Variants in PHC2 observed in about 807,000 individuals in gnomAD.
The protein encoded by PHC2 is polyhomeotic-like protein 2.
In PHC2, 29 loss-of-function variants were observed where a neutral mutation model predicts 87.4. The observed-to-expected ratio is 0.33, with a 90% CI of 0.25 to 0.45. The LOEUF is 0.45. PHC2 is among the 20% of genes least tolerant of loss of function. The pLI is 1.00. For synonymous variants in PHC2, 438 were observed against 461.7 expected, an observed-to-expected ratio of 0.95 and a Z score of 0.66; for missense variants, 857 against 1,136.7, an observed-to-expected ratio of 0.75 and a Z score of 3.54.
In PHC2 at chr1:33,368,236, A is replaced by G. The variant is rs913012957; in HGVS notation, c.663+300T>C. On this transcript the variant is annotated intron_variant, in intron 6 of 14. Coordinates refer to ENST00000683057, the MANE Select transcript of PHC2 (RefSeq NM_001385109.1). This position sits in a 1 kb window ranked among gnomAD's most constrained non-coding sequence, Gnocchi z 6.6. Reference sequence around the variant, plus strand: ...TGAAGCAGCAGCAGCCAGACCAGCTATGCTGGGGCAGGTGTAAAGTATGGA... The same window carrying G: ...TGAAGCAGCAGCAGCCAGACCAGCTGTGCTGGGGCAGGTGTAAAGTATGGA... Among the ~76,000 whole-genome samples, 30 of 152,206 alleles carry G rather than the reference A, an allele frequency of 2.0e-4. No individual in the cohort carries two copies. The highest frequency in any genetic ancestry group is 6.8e-4 in the African/African-American group (28 of 41,460).
At chr1:33,360,874 A>C (rs1264425917) in intron 7 of PHC2, among the ~76,000 whole-genome samples, 4 of 152,244 alleles carry the variant, frequency 2.6e-5, no homozygotes, top group African/African-American at 9.6e-5. Flanking sequence ...ATATTACAAG[A>C]CGCTGATGGC....
At chr1:33,358,679 T>TAA (rs1647139004) in intron 7 of PHC2, among the ~76,000 whole-genome samples, 1 of 152,212 alleles carries the variant, frequency 6.6e-6, no homozygotes, top group Non-Finnish European at 1.5e-5. Context: ...TACGGTTGTC[T>TAA]AAAGCCCCTG....
chr1:33,326,864 G>A (rs143864531), intron 14 of PHC2, among the ~76,000 whole-genome samples: 54 of 152,290 alleles, frequency 3.5e-4, no homozygotes, highest in African/African-American at 1.3e-3. Context: ...AGGCAGAATT[G>A]CTTGAACCCA....
At chr1:33,385,798 A>ATTT (rs368694960) in intron 1 of PHC2, among the ~76,000 whole-genome samples, 1 of 149,864 alleles carries the variant, frequency 6.7e-6, no homozygotes, top group Non-Finnish European at 1.5e-5. Context: ...ACAGAATAAA[A>ATTT]ATTTTTTTTT....
chr1:33,393,304 A>G (rs1649151119), intron 1 of PHC2, among the ~76,000 whole-genome samples: 2 of 152,164 alleles, frequency 1.3e-5, no homozygotes, highest in Non-Finnish European at 2.9e-5. Context: ...CTGTTTAGAA[A>G]GGAGCTAAGC....
At chr1:33,340,862 C>T (rs12142201) in intron 9 of PHC2, among the ~76,000 whole-genome samples, 60,154 of 147,328 alleles carry the variant, frequency 0.41, 13,639 homozygotes, top group African/African-American at 0.65. Flanking sequence ...TCACACTTTA[C>T]TGTGAATTAC....
intron 9 of PHC2, chr1:33,335,095 C>T (rs1646594723): frequency 3.2e-6 from 2 of 617,584 alleles, no homozygotes. Context: ...TCCTAATTCT[C>T]CTTCCCCATG....
intron 1 of PHC2, among the ~76,000 whole-genome samples, chr1:33,414,177 TCACA>T (rs201845759): frequency 0.015 from 2,135 of 142,780 alleles, 17 homozygotes; most frequent in African/African-American, 0.031. Context: ...TCTCTCTCTG[TCACA>T]CACACACACA....
chr1:33,365,174 T>A (rs185750189), intron 7 of PHC2, among the ~76,000 whole-genome samples: 41 of 152,252 alleles, frequency 2.7e-4, no homozygotes, highest in African/African-American at 9.6e-4. Context: ...GAGCTTCAGT[T>A]TGCTCATCTG....
At chr1:33,366,151 C>A (rs546528895) in intron 7 of PHC2, among the ~76,000 whole-genome samples, 1 of 152,352 alleles carries the variant, frequency 6.6e-6, no homozygotes, top group East Asian at 1.9e-4. Context: ...CAAGAAAAAA[C>A]CCCACAGATT....
intron 1 of PHC2, among the ~76,000 whole-genome samples, chr1:33,391,988 G>A (rs760672230): frequency 5.9e-5 from 9 of 152,166 alleles, no homozygotes; most frequent in Non-Finnish European, 8.8e-5. Context: ...GGTTAGAGGC[G>A]AGAAAGCCAC....
At chr1:33,411,716 A>G (rs894421971) in intron 1 of PHC2, among the ~76,000 whole-genome samples, 5 of 152,040 alleles carry the variant, frequency 3.3e-5, no homozygotes, top group African/African-American at 1.2e-4. Flanking sequence ...GCGCGCCACC[A>G]CGCCCAGCTA....
intron 9 of PHC2, among the ~76,000 whole-genome samples, chr1:33,339,833 A>C (rs1217918229): frequency 2.0e-5 from 3 of 152,220 alleles, no homozygotes; most frequent in Non-Finnish European, 4.4e-5. Context: ...GAATATTTGC[A>C]TTATACTTAC....
intron 1 of PHC2, among the ~76,000 whole-genome samples, chr1:33,417,725 G>A (rs1650270483): frequency 6.6e-6 from 1 of 152,072 alleles, no homozygotes; most frequent in Admixed American, 6.5e-5. Flanking sequence ...GACACAAGTA[G>A]ATGTAAAAAT....
intron 1 of PHC2, among the ~76,000 whole-genome samples, chr1:33,386,309 A>G (rs1026931326): frequency 2.0e-5 from 3 of 151,032 alleles, no homozygotes; most frequent in Non-Finnish European, 4.4e-5. Flanking sequence ...CAAGGTCAGG[A>G]GTTCAAGACC....
At chr1:33,367,511 T>G in intron 6 of PHC2, 83 bp from the exon 7 acceptor site, 22 of 1,025,826 alleles carry the variant, frequency 2.1e-5, no homozygotes, top group African/African-American at 3.2e-5. Flanking sequence ...GAGGGATGGA[T>G]CCAGGAATGG....
At chr1:33,380,875 C>T (rs936082337) in intron 1 of PHC2, among the ~76,000 whole-genome samples, 1 of 152,214 alleles carries the variant, frequency 6.6e-6, no homozygotes, top group Non-Finnish European at 1.5e-5. Context: ...TCATTTTCCA[C>T]ACTTGCACTC....
intron 9 of PHC2, among the ~76,000 whole-genome samples, chr1:33,343,114 G>A (rs1237438149): frequency 6.6e-6 from 1 of 152,090 alleles, no homozygotes; most frequent in Non-Finnish European, 1.5e-5. Context: ...AAAATGCCTG[G>A]CACTGAATAC....
intron 1 of PHC2, among the ~76,000 whole-genome samples, chr1:33,428,565 C>T (rs1650776025): frequency 6.6e-6 from 1 of 152,234 alleles, no homozygotes; most frequent in South Asian, 2.1e-4. Flanking sequence ...CACTTTGCTA[C>T]TCTGGGCCCA....
Sources: gnomAD v4.1 joint callset for allele counts (sites outside exome capture counted in the v4.1 genomes callset) on GRCh38, gnomAD v4.1.1 for gene constraint, Gnocchi (gnomAD v3.1) non-coding constraint, MANE v1.5 for transcripts, NCBI Gene and HGNC (gene_info 2026-07-23, HGNC 2026-07-21) for gene names.